LIMK1: variants seen among roughly 807,000 people sequenced by gnomAD.
LIMK1 encodes the protein LIM motif-containing protein kinase.
A neutral mutation model predicts 77.6 loss-of-function variants in LIMK1; 21 were observed. The observed-to-expected ratio is 0.27, with a 90% CI of 0.19 to 0.39. The LOEUF is 0.39. Ranked by LOEUF, LIMK1 falls within the 10% of genes least tolerant of loss-of-function variation. LIMK1 has a pLI of 1.00. For synonymous variants in LIMK1, 358 were observed against 370.0 expected, an observed-to-expected ratio of 0.97 and a Z score of 0.37; for missense variants, 696 against 901.6, an observed-to-expected ratio of 0.77 and a Z score of 2.92.
At chr7:74,095,912 G>A (rs879977883) in intron 2 of LIMK1, among the ~76,000 whole-genome samples, 22 of 150,962 alleles carry the variant, frequency 1.5e-4, no homozygotes, top group Non-Finnish European at 2.2e-4. Context: ...GGAAACAGGC[G>A]AACCGTGGCT....
intron 11 of LIMK1, 82 bp from the exon 12 acceptor site, chr7:74,111,851 G>A (rs1799705340): frequency 6.9e-6 from 10 of 1,452,766 alleles, no homozygotes; most frequent in Admixed American, 1.7e-5. Context: ...TGGGGTGGGA[G>A]CAGAGGGAGT....
intron 12 of LIMK1, among the ~76,000 whole-genome samples, chr7:74,114,465 C>T (rs1007494962): frequency 6.7e-6 from 1 of 150,332 alleles, no homozygotes; most frequent in African/African-American, 2.5e-5. Flanking sequence ...GTGGGAGGAT[C>T]GCTTGAGCCT....
chr7:74,093,339 G>A lies in LIMK1; in HGVS notation c.153-3283G>A, dbSNP rs1285847987. The A allele has an allele frequency of 3.3e-6, 5 of 1,535,482 alleles. No individual in the cohort carries two copies. In the African/African-American group the frequency reaches 4.1e-5, roughly 13 times the overall value. On this transcript the variant is annotated intron_variant, in intron 2 of 15. Transcript: ENST00000336180. ...CCCTCCCTACTTGTCCTGGGCTCCA[G>A]GCAGGGCCCCTGGTGTAAGGCCTGG...
At chr7:74,118,886 T>C (rs538951752) in intron 13 of LIMK1, among the ~76,000 whole-genome samples, 1 of 148,392 alleles carries the variant, frequency 6.7e-6, no homozygotes. Flanking sequence ...GGGTATTTTG[T>C]TTTTTGTTTT....
At chr7:74,097,545 G>A (rs528190145) in intron 4 of LIMK1, among the ~76,000 whole-genome samples, 30 of 152,242 alleles carry the variant, frequency 2.0e-4, no homozygotes, top group South Asian at 6.2e-4. Context: ...GTGTGGTGGC[G>A]GGTGCCTGTA....
At chr7:74,092,284 G>A (rs1799253278) in intron 2 of LIMK1, among the ~76,000 whole-genome samples, 1 of 152,130 alleles carries the variant, frequency 6.6e-6, no homozygotes, top group African/African-American at 2.4e-5. Flanking sequence ...ATCTTTGAAT[G>A]TCATAACCTG....
chr7:74,092,962 G>A (rs938116538), intron 2 of LIMK1: 2 of 483,712 alleles, frequency 4.1e-6, no homozygotes, highest in Non-Finnish European at 7.1e-6. Context: ...AGGACTGAGG[G>A]CCAGGGACGG....
At chr7:74,108,795 G>T (rs543337165) in intron 9 of LIMK1, 110 bp from the exon 10 acceptor site, 3 of 1,493,738 alleles carry the variant, frequency 2.0e-6, no homozygotes, top group African/African-American at 2.8e-5. Context: ...TGGGGGTTCC[G>T]TATCTTTGAG....
chr7:74,091,988 CAG>C (rs1347487468), intron 2 of LIMK1, among the ~76,000 whole-genome samples: 57 of 98,130 alleles, frequency 5.8e-4, no homozygotes, highest in African/African-American at 2.3e-3. Context: ...TTTTTTGAGA[CAG>C]AGTCTCGCTT....
intron 2 of LIMK1, among the ~76,000 whole-genome samples, chr7:74,090,204 A>G (rs1213792821): frequency 6.6e-6 from 1 of 151,912 alleles, no homozygotes; most frequent in Non-Finnish European, 1.5e-5. Context: ...GTGAAACCCC[A>G]TCTCTACTAA....
intron 2 of LIMK1, among the ~76,000 whole-genome samples, chr7:74,094,628 G>A (rs1042738868): frequency 2.0e-4 from 30 of 152,182 alleles, no homozygotes; most frequent in African/African-American, 5.8e-4. Context: ...ACCCAAAGTC[G>A]GCCTGGCCTC....
chr7:74,094,585 T>C (rs1799302900), intron 2 of LIMK1, among the ~76,000 whole-genome samples: 1 of 152,238 alleles, frequency 6.6e-6, no homozygotes, highest in Admixed American at 6.5e-5. Flanking sequence ...GTCATTGGTC[T>C]GCACCAGGCG....
At chr7:74,086,335 G>A (rs191156242) in intron 2 of LIMK1, among the ~76,000 whole-genome samples, 2 of 151,760 alleles carry the variant, frequency 1.3e-5, no homozygotes, top group African/African-American at 4.8e-5. Context: ...ATAAACCACC[G>A]CTCCTGGCCT....
chr7:74,084,079 G>T (rs1799082835), intron 1 of LIMK1, 34 bp downstream of exon 1: 2 of 1,329,520 alleles, frequency 1.5e-6, no homozygotes, highest in Non-Finnish European at 1.0e-6. Flanking sequence ...GCGAGGGCCT[G>T]GAGGGGGTGC....
intron 5 of LIMK1, among the ~76,000 whole-genome samples, chr7:74,101,050 G>A (rs545149524): frequency 2.6e-5 from 4 of 152,278 alleles, no homozygotes; most frequent in Non-Finnish European, 4.4e-5. Flanking sequence ...CCAAGTGCTA[G>A]CTTTCATTTG....
At position 74,088,738 on chromosome 7, in the gene LIMK1, G is replaced by T. The variant is rs185973803; in HGVS notation, c.152+2894G>T. ...AATCACTTGAACCTGGGAGGCGGAG[G>T]CTGCAGTGAGCTGAGATCACGTCAC... On this transcript the variant is annotated intron_variant, in intron 2 of 15. Coordinates refer to ENST00000336180, the MANE Select transcript of LIMK1 (RefSeq NM_002314.4). Among the ~76,000 whole-genome samples, 97 of 150,440 alleles carry T rather than the reference G, an allele frequency of 6.4e-4. 1 individual carries two copies. The highest frequency in any genetic ancestry group is 4.2e-3 in the Admixed American group (62 of 14,930).
At position 74,097,158 on chromosome 7, in the gene LIMK1, T is replaced by C; in HGVS notation, c.370T>C (p.Tyr124His). ...CGTFIGDGDT[Y>H]TLVEHSKLYC... ...GACCTTTATCGGTGACGGGGACACC[T>C]ACACGCTGGTGGAGCACTCCAAGCT... The change falls in exon 4 of 16, where the codon TAC (tyrosine) becomes CAC (histidine). Residue 124 changes from tyrosine (Y) to histidine (H), a missense_variant. This residue lies in a region of LIMK1 where 252 missense variants were observed against 279.4 expected (regional missense o/e 0.90). Transcript: ENST00000336180. 1 of 1,612,758 alleles carries C rather than the reference T, an allele frequency of 6.2e-7. No individual in the cohort carries two copies. Among genetic ancestry groups the C allele is most frequent in the Non-Finnish European group, 8.5e-7 (1 of 1,179,690 alleles).
In LIMK1 at chr7:74,116,976, G is replaced by A. The variant is rs1191869553; in HGVS notation, c.1567+1018G>A. On this transcript the variant is annotated intron_variant, in intron 13 of 15. Coordinates refer to ENST00000336180, the MANE Select transcript of LIMK1 (RefSeq NM_002314.4). ...AGCTCACTGCAAGCTCCGCCTCCTG[G>A]GTTCACGCCATTCTCCTGCCTCAGC... Among the ~76,000 whole-genome samples the A allele has an allele frequency of 6.6e-5, 10 of 152,092 alleles. No homozygotes were observed. In the South Asian group the frequency reaches 1.0e-3, roughly 16 times the overall value.
chr7:74,084,030 C>G lies in LIMK1; in HGVS notation c.40C>G (p.Arg14Gly). The G allele has an allele frequency of 6.7e-7, 1 of 1,493,702 alleles. No individual in the cohort carries two copies. Among genetic ancestry groups the G allele is most frequent in the South Asian group, 1.3e-5 (1 of 78,138 alleles). 92.5% of individuals were successfully genotyped at this position (1,493,702 alleles called of 1,614,324 possible). ...TLLCCTWREE[R>G]MGEEGSELPV... ...ACTTTGTTGCACCTGGAGGGAAGAA[C>G]GTATGGGAGAGGAAGGTGCGCGGGC... The change falls in exon 1 of 16, where the codon CGT becomes GGT. Residue 14 changes from arginine to glycine, a missense_variant. Arg to Gly is a moderately radical substitution (Grantham distance 125). This residue lies in a region of LIMK1 where 252 missense variants were observed against 279.4 expected (regional missense o/e 0.90). Transcript: ENST00000336180.
Sources: allele counts gnomAD v4.1 joint callset (sites outside exome capture counted in the v4.1 genomes callset), GRCh38; gene constraint gnomAD v4.1.1; regional missense constraint gnomAD v4.1.1; transcripts MANE v1.5; gene names NCBI Gene and HGNC (gene_info 2026-07-23, HGNC 2026-07-21).